The following HELB variants were observed in gnomAD, a reference collection of about 807,000 sequenced individuals.
HELB encodes the protein DNA helicase B, also known as DNA 5'-3' helicase B.
In HELB, 96 loss-of-function variants were observed where a neutral mutation model predicts 101.7. That is an observed-to-expected ratio of 0.94 (90% CI 0.80 to 1.12). The LOEUF is 1.12. HELB is among the 50% of genes most tolerant of loss of function. The pLI is 0.00. For missense variants in HELB, 1,210 were observed against 1,291.9 expected (o/e 0.94, Z 0.97); for synonymous variants, 437 against 459.7 (o/e 0.95, Z 0.63).
intron 4 of HELB, among the ~76,000 whole-genome samples, chr12:66,312,757 T>G (rs1162853166): frequency 6.6e-6 from 1 of 152,238 alleles, no homozygotes; most frequent in South Asian, 2.1e-4. Flanking sequence ...TTATCATCCT[T>G]GGACTAGGGT....
At chr12:66,336,081 A>G (rs983092819) in intron 12 of HELB, among the ~76,000 whole-genome samples, 15 of 152,328 alleles carry the variant, frequency 9.8e-5, no homozygotes, top group African/African-American at 2.6e-4. Context: ...TAATACCTCA[A>G]AAATACTTAG....
At chr12:66,306,283 T>C in intron 2 of HELB, 62 bp from the exon 3 acceptor site, 1 of 1,289,756 alleles carries the variant, frequency 7.8e-7, no homozygotes, top group South Asian at 1.8e-5. Context: ...AGAAAGTACT[T>C]CAAATCAGTC....
At chr12:66,306,176 A>G (rs2053473190) in intron 2 of HELB, among the ~76,000 whole-genome samples, 169 bp from the exon 3 acceptor site, 1 of 152,242 alleles carries the variant, frequency 6.6e-6, no homozygotes, top group African/African-American at 2.4e-5. Flanking sequence ...TCAGTACAAA[A>G]GCAATTGTCA....
At chr12:66,308,693 G>A (rs1342436413) in intron 3 of HELB, among the ~76,000 whole-genome samples, 1 of 152,126 alleles carries the variant, frequency 6.6e-6, no homozygotes, top group Non-Finnish European at 1.5e-5. Flanking sequence ...TTCTTTGCCA[G>A]TCTATGTCCT....
chr12:66,322,931 T>G, intron 9 of HELB, 148 bp downstream of exon 9: 1 of 490,132 alleles, frequency 2.0e-6, no homozygotes, highest in East Asian at 3.1e-5. Context: ...TCTCTTCAAT[T>G]AAATACAATA....
downstream of HELB, chr12:66,339,888 T>C (rs2053904407): frequency 6.6e-6 from 1 of 152,244 alleles, no homozygotes; most frequent in Non-Finnish European, 1.5e-5. Context: ...TCCGGACTTA[T>C]TTGACTAGCA....
chr12:66,325,138 CT>C lies in HELB; in HGVS notation c.2670+16del. On this transcript the variant is annotated intron_variant, in intron 11 of 12. Transcript: ENST00000247815. ...TTCACACTTTTCAGGTAAGAGGAGA[CT>C]TTTATCAAACCTTTTAAATAATTTA... 1 of 1,548,806 alleles carries C rather than the reference CT, an allele frequency of 6.5e-7. No individual in the cohort carries two copies. The highest frequency in any genetic ancestry group is 8.9e-7 in the Non-Finnish European group (1 of 1,129,474).
Position 66,331,631 on chromosome 12 carries a change from A to G in HELB, c.3148A>G (p.Ser1050Gly), listed in dbSNP as rs368713751. 6.3e-7 allele frequency: 1 copy of G among 1,597,678 alleles called. No homozygotes were observed. Among genetic ancestry groups the G allele is most frequent in the South Asian group, 1.1e-5 (1 of 89,934 alleles). ...TGGTGTGAATGATGATGAAAGTCCA[A>G]GCAAAATTTTTATGGTAGGAGTGAT... Reference protein sequence around the residue: ...TCGVNDDESPSKIFMVGESPQ... With the variant: ...TCGVNDDESPGKIFMVGESPQ... The change falls in exon 12 of 13, where the codon AGC (serine) becomes GGC (glycine). Residue 1050 changes from serine to glycine, a missense_variant. Coordinates refer to ENST00000247815, the MANE Select transcript of HELB (RefSeq NM_001370285.1).
intron 4 of HELB, among the ~76,000 whole-genome samples, chr12:66,311,508 T>C (rs1483378135): frequency 1.3e-5 from 2 of 152,070 alleles, no homozygotes; most frequent in Admixed American, 6.5e-5. Context: ...GGCGTAATGA[T>C]ATAGTTAGTT....
rs768331915 is a variant in HELB, at chr12:66,324,933, C to T, written c.2527-50C>T. 6.9e-6 allele frequency: 11 copies of T among 1,600,964 alleles called. 1 individual carries two copies. The highest frequency in any genetic ancestry group is 1.7e-4 in the Middle Eastern group (1 of 6,032). On this transcript the variant is annotated intron_variant, in intron 10 of 12. Transcript: ENST00000247815. ...TAGAATATCTTTGAACGTATTTGAA[C>T]GTAGAACATATTTGAAGGTATGCAA...
At chr12:66,331,697 C>A in intron 12 of HELB, 52 bp downstream of exon 12, 1 of 1,498,638 alleles carries the variant, frequency 6.7e-7, no homozygotes, top group Non-Finnish European at 9.0e-7. Flanking sequence ...TCGCTAACTT[C>A]GGTGTGCTTA....
intron 7 of HELB, chr12:66,321,400 G>A (rs2053668789): frequency 1.3e-5 from 2 of 153,036 alleles, no homozygotes; most frequent in Admixed American, 1.3e-4. Context: ...TGTTAGGGGA[G>A]TGGCTGTTTT....
intron 12 of HELB, among the ~76,000 whole-genome samples, chr12:66,337,220 G>A (rs924804225): frequency 6.7e-6 from 1 of 150,360 alleles, no homozygotes; most frequent in Non-Finnish European, 1.5e-5. Flanking sequence ...GGAGGGGGAA[G>A]TTTCTTCTTT....
In HELB at chr12:66,310,260, G is replaced by C. The variant is rs1418010176; in HGVS notation, c.1332G>C (p.Gln444His). Residue 444 changes from glutamine to histidine, a missense_variant, in exon 4 of 13, where the codon CAG becomes CAC. This residue lies in a region of HELB where 470 missense variants were observed against 563.1 expected (regional missense o/e 0.83). Coordinates refer to ENST00000247815, the MANE Select transcript of HELB (RefSeq NM_001370285.1). ...NEINAEISEV[Q>H]LDQDQVEVPL... ...TTAATGCAGAAATAAGTGAAGTTCA[G>C]CTGGATCAGGATCAGGTTGAAGTTC... 8 of 1,614,014 alleles carry C rather than the reference G, an allele frequency of 5.0e-6. No homozygotes were observed. The highest frequency in any genetic ancestry group is 6.8e-6 in the Non-Finnish European group (8 of 1,180,042).
intron 4 of HELB, among the ~76,000 whole-genome samples, chr12:66,312,480 T>A (rs1181139126): frequency 1.3e-5 from 2 of 152,224 alleles, no homozygotes; most frequent in South Asian, 2.1e-4. Flanking sequence ...CCTAGAGATG[T>A]TCAGTGTAGT....
At chr12:66,324,823 T>C (rs2053716537) in intron 10 of HELB, 160 bp from the exon 11 acceptor site, 2 of 742,618 alleles carry the variant, frequency 2.7e-6, no homozygotes, top group East Asian at 2.8e-5. Context: ...TATAGATATA[T>C]TGTTTGTGCT....
At chr12:66,304,030 T>G (rs1361644998) in intron 1 of HELB, among the ~76,000 whole-genome samples, 1 of 152,252 alleles carries the variant, frequency 6.6e-6, no homozygotes, top group Non-Finnish European at 1.5e-5. Context: ...AGCGCAGATT[T>G]AGGCAGAAAA....
intron 6 of HELB, among the ~76,000 whole-genome samples, chr12:66,318,429 C>T (rs564785618): frequency 7.2e-5 from 11 of 152,126 alleles, no homozygotes; most frequent in African/African-American, 2.4e-4. Flanking sequence ...ATGTGTAGTA[C>T]CATAAGTTAT....
At chr12:66,326,488 A>G (rs1349508350) in intron 11 of HELB, among the ~76,000 whole-genome samples, 2 of 151,904 alleles carry the variant, frequency 1.3e-5, no homozygotes, top group Admixed American at 6.6e-5. Context: ...TGATCTGCCC[A>G]TCTCGGCCTC....
Sources: gnomAD v4.1 joint callset for allele counts (sites outside exome capture counted in the v4.1 genomes callset) on GRCh38, gnomAD v4.1.1 for gene constraint, gnomAD v4.1.1 regional missense constraint, MANE v1.5 for transcripts, NCBI Gene and HGNC (gene_info 2026-07-23, HGNC 2026-07-21) for gene names.